The following VSIG10 variants were observed in gnomAD, a reference collection of about 807,000 sequenced individuals.
VSIG10 encodes the protein V-set and immunoglobulin domain-containing protein 10.
A neutral mutation model predicts 58.7 loss-of-function variants in VSIG10; 48 were observed. The observed-to-expected ratio is 0.82, with a 90% CI of 0.65 to 1.04. VSIG10 has a LOEUF of 1.04. Among genes scored for constraint, VSIG10 ranks in the 50% least tolerant of loss-of-function variants. The probability of loss-of-function intolerance (pLI) is 0.00; values close to 1 mark genes in which losing one functional copy is unlikely to be tolerated. For synonymous variants in VSIG10, 260 were observed against 267.1 expected, an observed-to-expected ratio of 0.97 and a Z score of 0.26; for missense variants, 628 against 670.0, an observed-to-expected ratio of 0.94 and a Z score of 0.69.
At chr12:118,095,449 A>C in intron 2 of VSIG10, 84 bp downstream of exon 2, 1 of 1,546,678 alleles carries the variant, frequency 6.5e-7, no homozygotes, top group Non-Finnish European at 8.7e-7. Context: ...ATCCGAACCC[A>C]AAACCCATAT....
intron 7 of VSIG10, among the ~76,000 whole-genome samples, chr12:118,069,425 C>CTTT (rs34116504): frequency 4.9e-4 from 51 of 105,052 alleles, no homozygotes; most frequent in African/African-American, 1.7e-3. Flanking sequence ...TCTTCTTCTT[C>CTTT]TTTTTTTTTT....
At chr12:118,078,671 G>T (rs1023987802) in intron 4 of VSIG10, among the ~76,000 whole-genome samples, 1 of 151,916 alleles carries the variant, frequency 6.6e-6, no homozygotes, top group Non-Finnish European at 1.5e-5. Context: ...GCTAGGTGCG[G>T]TGGCTCACAC....
At chr12:118,077,023 C>T (rs1195344244) in intron 4 of VSIG10, among the ~76,000 whole-genome samples, 2 of 152,130 alleles carry the variant, frequency 1.3e-5, no homozygotes, top group Non-Finnish European at 2.9e-5. Context: ...CCACTATGAC[C>T]TTATCTTAAC....
At chr12:118,078,197 C>T (rs867364545) in intron 4 of VSIG10, among the ~76,000 whole-genome samples, 2 of 152,140 alleles carry the variant, frequency 1.3e-5, no homozygotes, top group African/African-American at 4.8e-5. Flanking sequence ...CTCACTCCAT[C>T]GCCCAGGCTG....
rs2032219165 is a variant in VSIG10 at position 118,065,593 on chromosome 12, AAATGGAGAAAGGAAGTTCC to A, written c.*1027_*1045del. ...CTCATTTTAGAGTCCCAGTTCTTAG[AAATGGAGAAAGGAAGTTCC>A]CCTTTAAGCCCTAGGTCCTGCCCAC... On this transcript the variant is annotated 3_prime_UTR_variant, in exon 9 of 9. Transcript: ENST00000359236. 1 of 152,196 alleles carries A rather than the reference AAATGGAGAAAGGAAGTTCC, an allele frequency of 6.6e-6. No individual in the cohort carries two copies. The highest frequency in any genetic ancestry group is 1.5e-5 in the Non-Finnish European group (1 of 68,036). 9.4% of individuals were successfully genotyped at this position (152,196 alleles called of 1,614,324 possible).
chr12:118,067,642 G>T (rs1377011861), intron 8 of VSIG10, among the ~76,000 whole-genome samples: 1 of 134,682 alleles, frequency 7.4e-6, no homozygotes, highest in African/African-American at 2.9e-5. Context: ...TGTATTTTTA[G>T]TAGAGATGGG....
chr12:118,095,935 T>TC (rs1290593715), intron 1 of VSIG10, 121 bp from the exon 2 acceptor site: 1 of 1,319,822 alleles, frequency 7.6e-7, no homozygotes. Context: ...TTTTTTTTTT[T>TC]TTTTTTTTGA....
intron 7 of VSIG10, among the ~76,000 whole-genome samples, chr12:118,069,422 C>CTTTTTTT (rs1227167306): frequency 2.7e-5 from 3 of 111,632 alleles, no homozygotes; most frequent in African/African-American, 8.0e-5. Context: ...TCTTCTTCTT[C>CTTTTTTT]TTCTTTTTTT....
chr12:118,072,414 G>A lies in VSIG10; in HGVS notation c.1220-945C>T, dbSNP rs190707801. On this transcript the variant is annotated intron_variant, in intron 5 of 8. Transcript: ENST00000359236. ...CAGGAGGTGGAGCTTGCAGTGAGCC[G>A]AGATCGCACCACTGCACTCCAGCCT... Among the ~76,000 whole-genome samples, 813 of 147,178 alleles carry A rather than the reference G, an allele frequency of 5.5e-3. 7 individuals carry two copies. The highest frequency in any genetic ancestry group is 0.019 in the African/African-American group (746 of 40,100).
chr12:118,092,068 T>C (rs2033315782), intron 2 of VSIG10, among the ~76,000 whole-genome samples: 1 of 151,762 alleles, frequency 6.6e-6, no homozygotes, highest in Non-Finnish European at 1.5e-5. Context: ...TTCTTTTTAT[T>C]TTTATTTTGA....
chr12:118,070,976 T>C, intron 7 of VSIG10, 76 bp downstream of exon 7: 1 of 1,540,314 alleles, frequency 6.5e-7, no homozygotes. Flanking sequence ...ATTGTTCTTG[T>C]GAAAGGAAGG....
At chr12:118,072,785 G>A (rs2032551912) in intron 5 of VSIG10, among the ~76,000 whole-genome samples, 1 of 152,120 alleles carries the variant, frequency 6.6e-6, no homozygotes, top group African/African-American at 2.4e-5. Context: ...GGCCCAAGAT[G>A]AGACTAGGCC....
At chr12:118,090,415 GC>G (rs1246143493) in intron 2 of VSIG10, among the ~76,000 whole-genome samples, 1 of 152,206 alleles carries the variant, frequency 6.6e-6, no homozygotes, top group Non-Finnish European at 1.5e-5. Flanking sequence ...TTCCAAATAA[GC>G]TCACATTCGT....
In VSIG10 at chr12:118,082,239, G is replaced by T; in HGVS notation, c.552C>A (p.Asn184Lys). ...GCGATATCAGTAACAGTGAGAAAAA[G>T]TTGACTGTCAGGTTGTGGCCAAAGG... ...SESFGHNLTV[N>K]FFSLLLISPN... Residue 184 changes from asparagine (N) to lysine (K), a missense_variant, in exon 3 of 9, where the codon AAC becomes AAA. Transcript: ENST00000359236. The T allele has an allele frequency of 6.2e-7, 1 of 1,613,974 alleles. No individual in the cohort carries two copies. The highest frequency in any genetic ancestry group is 8.5e-7 in the Non-Finnish European group (1 of 1,179,894).
At chr12:118,071,092 T>C (rs1345604503) in intron 6 of VSIG10, 25 bp from the exon 7 acceptor site, 1 of 1,585,798 alleles carries the variant, frequency 6.3e-7, no homozygotes, top group African/African-American at 1.3e-5. Context: ...GAAAAACCAT[T>C]AATATCCAGT....
chr12:118,103,376 G>T lies in VSIG10; in HGVS notation c.79+217C>A, dbSNP rs557523250. ...CCTCACCGGCTGCCCACCCCAGGAGGCTGGGGGTATCTCGCCCCGCACCGG... is the reference window on the plus strand; with the variant it reads ...CCTCACCGGCTGCCCACCCCAGGAGTCTGGGGGTATCTCGCCCCGCACCGG... On this transcript the variant is annotated intron_variant, in intron 1 of 8. Transcript: ENST00000359236. Among the ~76,000 whole-genome samples, 1,098 of 152,284 alleles carry T rather than the reference G, an allele frequency of 7.2e-3. 14 individuals carry two copies. The highest frequency in any genetic ancestry group is 0.025 in the African/African-American group (1,022 of 41,576).
chr12:118,063,618 TA>T lies in VSIG10; in HGVS notation c.*3020del. 1 of 152,270 alleles carries T rather than the reference TA, an allele frequency of 6.6e-6. No homozygotes were observed. The highest frequency in any genetic ancestry group is 2.4e-5 in the African/African-American group (1 of 41,556). The allele number at this position is 152,270 out of a possible 1,614,324, so 9.4% of individuals were successfully genotyped here. A position where few individuals can be genotyped will look rare whatever the true frequency, so the allele number is the denominator to read the frequency against. On this transcript the variant is annotated 3_prime_UTR_variant, in exon 9 of 9. Coordinates refer to ENST00000359236, the MANE Select transcript of VSIG10 (RefSeq NM_019086.6). Reference sequence around the variant, plus strand: ...TTACTTAAAAATAGCTTTATTCCATTATCTTTTAAAAAAGGCATATGATAAC... The same window carrying T: ...TTACTTAAAAATAGCTTTATTCCATTTCTTTTAAAAAAGGCATATGATAAC...
intron 1 of VSIG10, among the ~76,000 whole-genome samples, chr12:118,097,581 C>CTGCA (rs1389976137): frequency 1.3e-5 from 2 of 152,084 alleles, no homozygotes; most frequent in Non-Finnish European, 2.9e-5. Context: ...TGCCACTGCA[C>CTGCA]TGCAGCCTGG....
intron 2 of VSIG10, among the ~76,000 whole-genome samples, chr12:118,089,040 C>G (rs1223659520): frequency 6.6e-6 from 1 of 151,938 alleles, no homozygotes; most frequent in African/African-American, 2.4e-5. Flanking sequence ...CTCCGCCCTC[C>G]CCGGTTGAAG....
Sources: allele counts gnomAD v4.1 joint callset (sites outside exome capture counted in the v4.1 genomes callset), GRCh38; gene constraint gnomAD v4.1.1; transcripts MANE v1.5; gene names NCBI Gene and HGNC (gene_info 2026-07-23, HGNC 2026-07-21).